LTBP1: variants seen among roughly 807,000 people sequenced by gnomAD.
LTBP1 encodes the protein latent-transforming growth factor beta-binding protein 1.
Under a neutral mutation model 207.6 loss-of-function variants are expected in LTBP1, and 129 were observed. That is an observed-to-expected ratio of 0.62 (90% CI 0.54 to 0.72). LTBP1 has a LOEUF of 0.72. LTBP1 is among the 30% of genes least tolerant of loss of function. LTBP1 has a pLI of 0.00. For missense variants in LTBP1, 2,281 were observed against 2,217.2 expected, an observed-to-expected ratio of 1.03 and a Z score of -0.58; for synonymous variants, 963 against 833.7, an observed-to-expected ratio of 1.16 and a Z score of -2.67.
At chr2:32,974,635 C>G (rs563282324) in intron 2 of LTBP1, among the ~76,000 whole-genome samples, 2 of 152,170 alleles carry the variant, frequency 1.3e-5, no homozygotes, top group South Asian at 2.1e-4. Context: ...GGGTATTGCT[C>G]TTTGTCTTTT....
At chr2:33,067,964 G>T (rs887771945) in intron 3 of LTBP1, among the ~76,000 whole-genome samples, 1 of 152,104 alleles carries the variant, frequency 6.6e-6, no homozygotes, top group African/African-American at 2.4e-5. Flanking sequence ...CCAAAAGGAG[G>T]ATATCAACAG....
rs1314313206 is a variant in LTBP1 at position 33,257,418 on chromosome 2, A to G, written c.2302A>G (p.Ser768Gly). 12 of 1,614,142 alleles carry G rather than the reference A, an allele frequency of 7.4e-6. No individual in the cohort carries two copies. Among genetic ancestry groups the G allele is most frequent in the Non-Finnish European group, 1.0e-5 (12 of 1,180,044 alleles). The change falls in exon 12 of 34, where the codon AGT becomes GGT. Residue 768 changes from serine to glycine, a missense_variant. By Grantham distance (56) the Ser-to-Gly change is moderately conservative. Around this residue, in one of 3 missense-constraint regions of LTBP1, gnomAD observed 1,671 missense variants for 1,634.8 expected, o/e 1.02. Coordinates refer to ENST00000404816, the MANE Select transcript of LTBP1 (RefSeq NM_206943.4). ...AAAGAACACTCAACCTGTTGCTAAA[A>G]GTACTCATCCTCCACCTCTCCCAGC... ...KPKNTQPVAK[S>G]THPPPLPAKE...
intron 5 of LTBP1, among the ~76,000 whole-genome samples, chr2:33,158,859 G>A (rs891171812): frequency 1.3e-5 from 2 of 152,190 alleles, no homozygotes; most frequent in Non-Finnish European, 2.9e-5. Flanking sequence ...ATGTTAGGTA[G>A]CTGTGATGAC....
chr2:33,215,549 A>G (rs1312928156), intron 7 of LTBP1, among the ~76,000 whole-genome samples: 1 of 152,080 alleles, frequency 6.6e-6, no homozygotes, highest in African/African-American at 2.4e-5. Flanking sequence ...AGAATGTTGC[A>G]TGCTTGGACC....
At chr2:33,321,001 A>G (rs141822232) in intron 24 of LTBP1, among the ~76,000 whole-genome samples, 3 of 152,268 alleles carry the variant, frequency 2.0e-5, no homozygotes, top group Admixed American at 6.5e-5. Flanking sequence ...CTTTCATTTT[A>G]TTAATAATTC....
At position 33,399,386 on chromosome 2, in the gene LTBP1, A is replaced by G. The variant is rs1266522182; in HGVS notation, c.*841A>G. The G allele has an allele frequency of 2.6e-5, 4 of 152,228 alleles. No individual in the cohort carries two copies. The highest frequency in any genetic ancestry group is 3.8e-4 in the East Asian group (2 of 5,208). 9.4% of individuals were successfully genotyped at this position (152,228 alleles called of 1,614,324 possible). A position where few individuals can be genotyped will look rare whatever the true frequency, so the allele number is the denominator to read the frequency against. On this transcript the variant is annotated 3_prime_UTR_variant, in exon 34 of 34. Coordinates refer to ENST00000404816, the MANE Select transcript of LTBP1 (RefSeq NM_206943.4). ...AAATTCTACCTGAGAGTAATTGTCA[A>G]TGAGTACATGTGTATAAGTTGTATC...
intron 12 of LTBP1, among the ~76,000 whole-genome samples, chr2:33,257,864 C>T (rs1431013290): frequency 6.6e-6 from 1 of 152,176 alleles, no homozygotes; most frequent in Non-Finnish European, 1.5e-5. Flanking sequence ...CTATTTATTT[C>T]TGAAGTGGAA....
chr2:33,337,180 G>A (rs2094562985), intron 24 of LTBP1, among the ~76,000 whole-genome samples: 1 of 152,192 alleles, frequency 6.6e-6, no homozygotes, highest in Non-Finnish European at 1.5e-5. Flanking sequence ...ATTCGGGAGT[G>A]CATGGGTTCG....
At chr2:33,286,258 A>G (rs1034209853) in intron 19 of LTBP1, among the ~76,000 whole-genome samples, 9 of 152,340 alleles carry the variant, frequency 5.9e-5, no homozygotes, top group Non-Finnish European at 1.2e-4. Flanking sequence ...TGGGTATTTG[A>G]AGAATTTAGT....
At chr2:33,295,887 C>T (rs1024005204) in intron 20 of LTBP1, among the ~76,000 whole-genome samples, 1 of 152,172 alleles carries the variant, frequency 6.6e-6, no homozygotes, top group African/African-American at 2.4e-5. Flanking sequence ...CAGTAGGGAA[C>T]ATGCAGGCAT....
Position 33,398,509 on chromosome 2 carries a change from C to G in LTBP1, c.5130C>G (p.Thr1710=). The G allele has an allele frequency of 6.2e-7, 1 of 1,614,104 alleles. No homozygotes were observed. Among genetic ancestry groups the G allele is most frequent in the Non-Finnish European group, 8.5e-7 (1 of 1,179,986 alleles). The change falls in exon 34 of 34, where the codon ACC becomes ACG. Residue 1710 remains threonine, a synonymous_variant. Transcript: ENST00000404816. The part of the protein sequence containing the change: ...DKPNYCTPLN[T]ALNLEKDSDL... ...CAAACTACTGCACTCCGTTGAATAC[C>G]GCCTTGAATTTAGAGAAAGACAGTG...
chr2:33,025,743 C>A (rs1417556598), intron 3 of LTBP1, among the ~76,000 whole-genome samples: 1 of 152,090 alleles, frequency 6.6e-6, no homozygotes, highest in Non-Finnish European at 1.5e-5. Flanking sequence ...AGATTTTATT[C>A]AGAATAATCC....
intron 5 of LTBP1, among the ~76,000 whole-genome samples, chr2:33,137,033 T>C (rs2082197972): frequency 6.6e-6 from 1 of 152,232 alleles, no homozygotes; most frequent in South Asian, 2.1e-4. Context: ...CCTCTCCTGT[T>C]TAACGTTTTA....
chr2:32,976,771 C>T (rs564693327), intron 2 of LTBP1, among the ~76,000 whole-genome samples: 25 of 152,290 alleles, frequency 1.6e-4, no homozygotes, highest in Non-Finnish European at 2.2e-4. Flanking sequence ...AGGCACACTC[C>T]GGTCCTCCAC....
intron 2 of LTBP1, among the ~76,000 whole-genome samples, chr2:32,962,534 A>G (rs1367408714): frequency 6.6e-6 from 1 of 152,232 alleles, no homozygotes; most frequent in Non-Finnish European, 1.5e-5. Context: ...AAGCATTGCA[A>G]GTTACGTTTG....
intron 24 of LTBP1, among the ~76,000 whole-genome samples, chr2:33,328,631 T>C (rs2094458499): frequency 2.0e-5 from 3 of 152,122 alleles, no homozygotes; most frequent in African/African-American, 4.8e-5. Flanking sequence ...GAGAACAGCA[T>C]TGGAGAAACC....
intron 10 of LTBP1, among the ~76,000 whole-genome samples, chr2:33,251,687 A>T (rs984740559): frequency 7.6e-6 from 1 of 132,040 alleles, no homozygotes; most frequent in Non-Finnish European, 1.5e-5. Flanking sequence ...AAAAAAAAAA[A>T]GATGCTAGAG....
intron 5 of LTBP1, among the ~76,000 whole-genome samples, chr2:33,139,665 C>T (rs906218787): frequency 6.6e-6 from 1 of 151,910 alleles, no homozygotes; most frequent in African/African-American, 2.4e-5. Context: ...TGAAGGGAGA[C>T]GTGGAACTTG....
chr2:33,159,217 C>T lies in LTBP1; in HGVS notation c.1201+24257C>T, dbSNP rs531893018. On this transcript the variant is annotated intron_variant, in intron 5 of 33. Transcript: ENST00000404816. Reference sequence around the variant, plus strand: ...AGCAGTATACTTGCTGCTGTGGCTCCGCAACTCAAGGGCGTCCTATCACAA... The same window carrying T: ...AGCAGTATACTTGCTGCTGTGGCTCTGCAACTCAAGGGCGTCCTATCACAA... Among the ~76,000 whole-genome samples, 19 of 152,224 alleles carry T rather than the reference C, an allele frequency of 1.2e-4. No homozygotes were observed. In the South Asian group the frequency reaches 2.1e-3, roughly 17 times the overall value.
Sources: gnomAD v4.1 joint callset for allele counts (sites outside exome capture counted in the v4.1 genomes callset) on GRCh38, gnomAD v4.1.1 for gene constraint, gnomAD v4.1.1 regional missense constraint, MANE v1.5 for transcripts, NCBI Gene and HGNC (gene_info 2026-07-23, HGNC 2026-07-21) for gene names.